The following PJA2 variants were observed in gnomAD, a reference collection of about 807,000 sequenced individuals.
The protein encoded by PJA2 is E3 ubiquitin-protein ligase Praja-2.
A neutral mutation model predicts 69.3 loss-of-function variants in PJA2; 25 were observed. The ratio of observed to expected loss-of-function variants is 0.36; its 90% CI spans 0.26 to 0.50. PJA2 has a LOEUF of 0.50. Among genes scored for constraint, PJA2 ranks in the 20% least tolerant of loss-of-function variants. PJA2 has a pLI of 0.96. For synonymous variants in PJA2, 308 were observed against 277.8 expected, an observed-to-expected ratio of 1.11 and a Z score of -1.08; for missense variants, 809 against 830.2, an observed-to-expected ratio of 0.97 and a Z score of 0.31.
intron 8 of PJA2, 136 bp downstream of exon 8, chr5:109,344,569 T>A: frequency 1.5e-6 from 1 of 671,888 alleles, no homozygotes; most frequent in Non-Finnish European, 2.4e-6. Flanking sequence ...AGGTGAAAGT[T>A]TGTGAGCATC....
rs113816748 is a variant in PJA2 at position 109,397,376 on chromosome 5, T to C, written c.-88+12466A>G. 4.4e-3 allele frequency among the ~76,000 whole-genome samples: 669 copies of C among 152,264 alleles called. 1 individual carries two copies. Among genetic ancestry groups the C allele is most frequent in the African/African-American group, 0.015 (642 of 41,556 alleles). On this transcript the variant is annotated intron_variant, in intron 1 of 9. Coordinates refer to ENST00000361189, the MANE Select transcript of PJA2 (RefSeq NM_014819.5). ...GTTAATTTTAGAAATGCACCACTTG[T>C]AGGAGTTCCACTTCTACAGGGTATA...
chr5:109,372,166 T>C (rs529091839), intron 4 of PJA2, among the ~76,000 whole-genome samples: 5 of 152,348 alleles, frequency 3.3e-5, no homozygotes, highest in East Asian at 3.9e-4. Flanking sequence ...ATTAAAAACA[T>C]TGTGTACCAC....
chr5:109,407,013 G>A (rs1453075133), intron 1 of PJA2, among the ~76,000 whole-genome samples: 1 of 152,148 alleles, frequency 6.6e-6, no homozygotes, highest in African/African-American at 2.4e-5. Flanking sequence ...AAGATGATAA[G>A]TGCTTTCCTA....
intron 7 of PJA2, among the ~76,000 whole-genome samples, chr5:109,353,807 T>C (rs1182388468): frequency 8.9e-5 from 12 of 134,394 alleles, no homozygotes; most frequent in Non-Finnish European, 1.5e-4. Flanking sequence ...TAGAGATATC[T>C]ATAGATTAGA....
At chr5:109,401,052 G>T (rs1747534526) in intron 1 of PJA2, among the ~76,000 whole-genome samples, 2 of 152,134 alleles carry the variant, frequency 1.3e-5, no homozygotes, top group African/African-American at 4.8e-5. Flanking sequence ...AGCACTTTGG[G>T]AGGCCAAGGA....
intron 5 of PJA2, 142 bp downstream of exon 5, chr5:109,368,419 A>G (rs1762620464): frequency 1.6e-6 from 1 of 636,900 alleles, no homozygotes; most frequent in Non-Finnish European, 2.6e-6. Context: ...TAAAATACCA[A>G]AAGCATAATG....
chr5:109,378,368 A>G lies in PJA2; in HGVS notation c.1119T>C (p.Cys373=), dbSNP rs1188013435. Residue 373 remains cysteine (C), a synonymous_variant, in exon 4 of 10, where the codon TGT becomes TGC. Coordinates refer to ENST00000361189, the MANE Select transcript of PJA2 (RefSeq NM_014819.5). ...KCEEYDGEHD[C]MFLDPPYSRV... is the part of the protein sequence containing the mutation. The stretch of plus-strand genomic sequence containing the variant: ...TTGAGTATGGTGGATCCAAGAACAT[A>G]CAGTCATGCTCTCCATCATATTCTT... 1 of 1,614,180 alleles carries G rather than the reference A, an allele frequency of 6.2e-7. No homozygotes were observed. Among genetic ancestry groups the G allele is most frequent in the Admixed American group, 1.7e-5 (1 of 60,022 alleles).
intron 7 of PJA2, among the ~76,000 whole-genome samples, chr5:109,354,039 CT>C (rs1187936327): frequency 7.1e-6 from 1 of 141,730 alleles, no homozygotes; most frequent in Non-Finnish European, 1.5e-5. Context: ...CTAGAGATAT[CT>C]ATAGATTAGA....
At chr5:109,402,946 G>A (rs1747585410) in intron 1 of PJA2, among the ~76,000 whole-genome samples, 1 of 151,630 alleles carries the variant, frequency 6.6e-6, no homozygotes, top group Non-Finnish European at 1.5e-5. Context: ...AAAGAAAAAA[G>A]GTCTCAAGTC....
intron 7 of PJA2, among the ~76,000 whole-genome samples, chr5:109,347,025 A>G (rs1762182190): frequency 6.6e-6 from 1 of 152,224 alleles, no homozygotes; most frequent in South Asian, 2.1e-4. Flanking sequence ...GAGATGACTT[A>G]TAATAGGGAT....
At chr5:109,403,764 TAA>T (rs35384937) in intron 1 of PJA2, among the ~76,000 whole-genome samples, 1,552 of 138,154 alleles carry the variant, frequency 0.011, 15 homozygotes, top group African/African-American at 0.032. Flanking sequence ...ACTCATGATT[TAA>T]AAAAAAAAAA....
In PJA2 at chr5:109,379,171, C is replaced by A; in HGVS notation, c.316G>T (p.Gly106Cys). The A allele has an allele frequency of 6.2e-7, 1 of 1,614,002 alleles. No homozygotes were observed. Among genetic ancestry groups the A allele is most frequent in the Non-Finnish European group, 8.5e-7 (1 of 1,179,970 alleles). ...TCAGTGGTTTGATTCAATGCTGAAC[C>A]ACAAGTGGGAATTTCTGTTTCACTT... ...EKSETEIPTC[G>C]SALNQTTESS... The change falls in exon 4 of 10, where the codon GGT (glycine) becomes TGT (cysteine). Residue 106 changes from glycine (G) to cysteine (C), a missense_variant. By Grantham distance (159) the Gly-to-Cys change is radical (BLOSUM62 -3). Around this residue, in one of 4 missense-constraint regions of PJA2, gnomAD observed 700 missense variants for 639.5 expected, o/e 1.09. Coordinates refer to ENST00000361189, the MANE Select transcript of PJA2 (RefSeq NM_014819.5).
intron 6 of PJA2, 85 bp from the exon 7 acceptor site, chr5:109,356,111 T>G: frequency 1.2e-6 from 1 of 818,190 alleles, no homozygotes; most frequent in Non-Finnish European, 2.0e-6. Context: ...ATTAGCATAC[T>G]GACAAGCCGA....
intron 1 of PJA2, among the ~76,000 whole-genome samples, chr5:109,386,006 T>C (rs773456116): frequency 2.6e-5 from 4 of 152,090 alleles, no homozygotes; most frequent in Non-Finnish European, 5.9e-5. Context: ...TGGTGCCATA[T>C]TGGCAGTAAA....
intron 1 of PJA2, among the ~76,000 whole-genome samples, chr5:109,401,188 G>A (rs1254335541): frequency 1.3e-5 from 2 of 151,970 alleles, no homozygotes; most frequent in Non-Finnish European, 2.9e-5. Context: ...GGAGACTGAG[G>A]CATGAGAATC....
At chr5:109,354,092 A>G (rs1214963961) in intron 7 of PJA2, among the ~76,000 whole-genome samples, 1 of 95,046 alleles carries the variant, frequency 1.1e-5, no homozygotes, top group South Asian at 3.5e-4. Context: ...AGATATCTAT[A>G]TCTAGAGATA....
intron 6 of PJA2, among the ~76,000 whole-genome samples, chr5:109,360,266 T>C (rs1370314766): frequency 2.0e-5 from 3 of 152,200 alleles, no homozygotes; most frequent in Admixed American, 6.5e-5. Flanking sequence ...GAGTTGGGAT[T>C]TGTCTGTGTC....
At chr5:109,351,670 G>A (rs530780581) in intron 7 of PJA2, among the ~76,000 whole-genome samples, 20 of 152,012 alleles carry the variant, frequency 1.3e-4, no homozygotes, top group African/African-American at 4.3e-4. Flanking sequence ...TAGAGACACA[G>A]ATATAAGGAG....
At chr5:109,341,765 G>A (rs1347403901) in intron 9 of PJA2, among the ~76,000 whole-genome samples, 23 of 87,450 alleles carry the variant, frequency 2.6e-4, no homozygotes, top group Admixed American at 1.7e-3. Context: ...CGCCCCGTCC[G>A]GGAGGGAGGT....
Sources: gnomAD v4.1 joint callset for allele counts (sites outside exome capture counted in the v4.1 genomes callset) on GRCh38, gnomAD v4.1.1 for gene constraint, gnomAD v4.1.1 regional missense constraint, MANE v1.5 for transcripts, NCBI Gene and HGNC (gene_info 2026-07-23, HGNC 2026-07-21) for gene names.